AGAP1: variants seen among roughly 807,000 people sequenced by gnomAD.
The protein encoded by AGAP1 is ArfGAP with GTPase domain, ankyrin repeat and PH domain 1.
Under a neutral mutation model 105.3 loss-of-function variants are expected in AGAP1, and 29 were observed. The ratio of observed to expected loss-of-function variants is 0.28; its 90% CI spans 0.21 to 0.38. The LOEUF is 0.38. Ranked by LOEUF, AGAP1 falls within the 10% of genes least tolerant of loss-of-function variation. The probability of loss-of-function intolerance (pLI) is 1.00; values close to 1 mark genes in which losing one functional copy is unlikely to be tolerated. For missense variants in AGAP1, 998 were observed against 1,165.1 expected (o/e 0.86, Z 2.09); for synonymous variants, 509 against 485.9 (o/e 1.05, Z -0.63).
intron 1 of AGAP1, among the ~76,000 whole-genome samples, chr2:235,591,889 C>T (rs1945353596): frequency 6.9e-6 from 1 of 144,360 alleles, no homozygotes; most frequent in Admixed American, 7.0e-5. Flanking sequence ...TCCTCTCTTG[C>T]CATGTGACAT....
At chr2:235,680,755 C>T (rs1002031240) in intron 1 of AGAP1, among the ~76,000 whole-genome samples, 9 of 152,106 alleles carry the variant, frequency 5.9e-5, no homozygotes, top group Non-Finnish European at 1.2e-4. Context: ...TAGGCAGATC[C>T]TCATTTTCAG....
chr2:235,660,291 C>T lies in AGAP1; in HGVS notation c.164-48888C>T, dbSNP rs994788729. 6.6e-6 allele frequency among the ~76,000 whole-genome samples: 1 copy of T among 152,126 alleles called. No individual in the cohort carries two copies. The highest frequency in any genetic ancestry group is 1.5e-5 in the Non-Finnish European group (1 of 68,026). On this transcript the variant is annotated intron_variant, in intron 1 of 17. Coordinates refer to ENST00000304032, the MANE Select transcript of AGAP1 (RefSeq NM_001037131.3). This position sits in a 1 kb window ranked among gnomAD's most constrained non-coding sequence, Gnocchi z 5.3. ...TTGCGGGGTCACGGTGAGGGAGGCACTGTGTGGAAGGGTAAATGGGCTTCC... is the reference window on the plus strand; with the variant it reads ...TTGCGGGGTCACGGTGAGGGAGGCATTGTGTGGAAGGGTAAATGGGCTTCC...
intron 13 of AGAP1, among the ~76,000 whole-genome samples, chr2:236,032,874 G>C (rs937702662): frequency 1.3e-5 from 2 of 152,202 alleles, no homozygotes; most frequent in African/African-American, 4.8e-5. Flanking sequence ...GAAATGTTGA[G>C]TGACATAGAA....
At chr2:235,816,328 C>A (rs906609733) in intron 9 of AGAP1, among the ~76,000 whole-genome samples, 1 of 150,972 alleles carries the variant, frequency 6.6e-6, no homozygotes, top group African/African-American at 2.4e-5. Flanking sequence ...GTCCCAGCTA[C>A]TTGGGAGCCT....
intron 13 of AGAP1, among the ~76,000 whole-genome samples, chr2:235,987,187 T>C (rs2055351544): frequency 6.6e-6 from 1 of 151,944 alleles, no homozygotes; most frequent in African/African-American, 2.4e-5. Context: ...AATTTGTTAT[T>C]TGTCTATTCA....
At chr2:235,666,206 A>G (rs1215440151) in intron 1 of AGAP1, among the ~76,000 whole-genome samples, 1 of 151,744 alleles carries the variant, frequency 6.6e-6, no homozygotes, top group African/African-American at 2.4e-5. Context: ...AATCAACTAC[A>G]TGCTTTAAAA....
intron 16 of AGAP1, among the ~76,000 whole-genome samples, chr2:236,098,147 G>A (rs1416042854): frequency 1.3e-5 from 2 of 152,142 alleles, no homozygotes; most frequent in Non-Finnish European, 2.9e-5. Flanking sequence ...TGTGAACGTG[G>A]ACATACAAAT....
At position 235,709,942 on chromosome 2, in the gene AGAP1, G is replaced by A. The variant is rs553473274; in HGVS notation, c.222+705G>A. ...TGTGTATGGTTATGTATCTGTGTAT[G>A]TATGTATATATGTGTATATATGTCT... On this transcript the variant is annotated intron_variant, in intron 2 of 17. Transcript: ENST00000304032. Among the ~76,000 whole-genome samples the A allele has an allele frequency of 2.3e-3, 348 of 152,238 alleles. 3 individuals are homozygous for A. The highest frequency in any genetic ancestry group is 7.8e-3 in the African/African-American group (326 of 41,536).
intron 6 of AGAP1, among the ~76,000 whole-genome samples, chr2:235,770,107 A>G (rs1045996605): frequency 5.0e-5 from 7 of 140,378 alleles, no homozygotes; most frequent in Non-Finnish European, 9.5e-5. Context: ...ATATATATAC[A>G]CACACATTTT....
In AGAP1 at chr2:235,908,188, C is replaced by T. The variant is rs1283769764; in HGVS notation, c.1156-550C>T. On this transcript the variant is annotated intron_variant, in intron 10 of 17. Coordinates refer to ENST00000304032, the MANE Select transcript of AGAP1 (RefSeq NM_001037131.3). The surrounding 1 kb of genome is among the most constrained non-coding windows in gnomAD (Gnocchi z 4.4). ...CTGTAGTTCTCTGATTGCTGCTGGT[C>T]ATTTGCTTCCAAGGCCTAGAAAGCC... Among the ~76,000 whole-genome samples the T allele has an allele frequency of 6.6e-6, 1 of 152,156 alleles. No homozygotes were observed. Among genetic ancestry groups the T allele is most frequent in the African/African-American group, 2.4e-5 (1 of 41,428 alleles).
At position 235,649,873 on chromosome 2, in the gene AGAP1, G is replaced by A. The variant is rs557267752; in HGVS notation, c.164-59306G>A. Among the ~76,000 whole-genome samples the A allele has an allele frequency of 2.0e-5, 3 of 152,306 alleles. No individual in the cohort carries two copies. The East Asian group carries it at 5.8e-4, about 29-fold the overall frequency. ...ACTTCAGCTCCTCCATGCAAGCATG[G>A]GCTGGCTTCCCTTATTTTACTGTGG... On this transcript the variant is annotated intron_variant, in intron 1 of 17. Coordinates refer to ENST00000304032, the MANE Select transcript of AGAP1 (RefSeq NM_001037131.3).
chr2:235,643,801 A>G (rs138296955), intron 1 of AGAP1, among the ~76,000 whole-genome samples: 2 of 152,250 alleles, frequency 1.3e-5, no homozygotes, highest in East Asian at 1.9e-4. Context: ...AGAAATAGAT[A>G]CTTTGTGGGG....
chr2:235,686,446 G>T (rs902175959), intron 1 of AGAP1, among the ~76,000 whole-genome samples: 4 of 151,264 alleles, frequency 2.6e-5, no homozygotes, highest in South Asian at 2.1e-4. Context: ...ATATTGTGGG[G>T]ATTAAAATCA....
In AGAP1 at chr2:236,113,353, C is replaced by G. The variant is rs1370818600; in HGVS notation, c.2115-6839C>G. 1.3e-5 allele frequency among the ~76,000 whole-genome samples: 2 copies of G among 151,944 alleles called. No individual in the cohort carries two copies. The highest frequency in any genetic ancestry group is 4.8e-5 in the African/African-American group (2 of 41,364). On this transcript the variant is annotated intron_variant, in intron 16 of 17. Transcript: ENST00000304032. This position sits in a 1 kb window ranked among gnomAD's most constrained non-coding sequence, Gnocchi z 4.3. ...ATGGGGTTTTACCATGTTGGCCAGG[C>G]TGGTGTCGAACTCCTGACCTCGTGA...
chr2:235,865,561 T>A lies in AGAP1; in HGVS notation c.1051-17784T>A, dbSNP rs1256127737. On this transcript the variant is annotated intron_variant, in intron 9 of 17. Transcript: ENST00000304032. The surrounding 1 kb of genome is among the most constrained non-coding windows in gnomAD (Gnocchi z 6.2). Reference sequence around the variant, plus strand: ...GGGTCTTTGGGGAGCTGGTTAAAGATCCAGAATCGGCCCCTCGCCCCTTTG... The same window carrying A: ...GGGTCTTTGGGGAGCTGGTTAAAGAACCAGAATCGGCCCCTCGCCCCTTTG... 6.6e-6 allele frequency among the ~76,000 whole-genome samples: 1 copy of A among 152,142 alleles called. No homozygotes were observed. Among genetic ancestry groups the A allele is most frequent in the Non-Finnish European group, 1.5e-5 (1 of 68,024 alleles).
At chr2:235,941,065 T>C (rs994004868) in intron 12 of AGAP1, among the ~76,000 whole-genome samples, 3 of 152,262 alleles carry the variant, frequency 2.0e-5, no homozygotes, top group African/African-American at 7.2e-5. Context: ...CTTAATGCTT[T>C]GCATATTGCT....
chr2:235,533,493 AC>A (rs1477749942), intron 1 of AGAP1, among the ~76,000 whole-genome samples: 1 of 152,196 alleles, frequency 6.6e-6, no homozygotes, highest in African/African-American at 2.4e-5. Context: ...ATAATTAGGA[AC>A]TGGGTGGCAT....
intron 1 of AGAP1, among the ~76,000 whole-genome samples, chr2:235,686,630 T>G (rs1180004621): frequency 2.3e-4 from 11 of 48,406 alleles, no homozygotes; most frequent in African/African-American, 7.1e-4. Flanking sequence ...GATATATATA[T>G]ATATATATAT....
chr2:235,999,605 G>C (rs1302094928), intron 13 of AGAP1, among the ~76,000 whole-genome samples: 1 of 149,902 alleles, frequency 6.7e-6, no homozygotes, highest in Non-Finnish European at 1.5e-5. Flanking sequence ...GTGAGAGGTG[G>C]TGGTGGTGGT....
Sources: gnomAD v4.1 joint callset for allele counts (sites outside exome capture counted in the v4.1 genomes callset) on GRCh38, gnomAD v4.1.1 for gene constraint, Gnocchi (gnomAD v3.1) non-coding constraint, MANE v1.5 for transcripts, NCBI Gene and HGNC (gene_info 2026-07-23, HGNC 2026-07-21) for gene names.